Variants in PPP3CC observed in about 807,000 individuals in gnomAD.
PPP3CC encodes protein phosphatase 3 catalytic subunit gamma.
In PPP3CC, 35 loss-of-function variants were observed where a neutral mutation model predicts 60.3. The observed-to-expected ratio is 0.58, with a 90% CI of 0.44 to 0.77. The LOEUF (loss-of-function observed/expected upper bound fraction) is 0.77, where lower values mean the gene tolerates loss of function less well. Among genes scored for constraint, PPP3CC ranks in the 30% least tolerant of loss-of-function variants. The probability of loss-of-function intolerance (pLI) is 0.00; values close to 1 mark genes in which losing one functional copy is unlikely to be tolerated. For missense variants in PPP3CC, 570 were observed against 628.9 expected, an observed-to-expected ratio of 0.91 and a Z score of 1.00; for synonymous variants, 206 against 224.3, an observed-to-expected ratio of 0.92 and a Z score of 0.73.
chr8:22,463,102 T>A (rs560365307), intron 1 of PPP3CC, among the ~76,000 whole-genome samples: 1 of 152,198 alleles, frequency 6.6e-6, no homozygotes, highest in Non-Finnish European at 1.5e-5. Context: ...AAAAGTTATC[T>A]GTTAGCAGCC....
Position 22,497,942 on chromosome 8 carries a change from T to C in PPP3CC, c.373-59T>C, listed in dbSNP as rs75557963. ...CAGCAAGTCATTTGAATTATATAAA[T>C]TGTGTTTATGCATTATAATGGTCAC... On this transcript the variant is annotated intron_variant, in intron 3 of 13. Coordinates refer to ENST00000240139, the MANE Select transcript of PPP3CC (RefSeq NM_005605.5). The C allele has an allele frequency of 4.5e-3, 4,860 of 1,074,548 alleles. 185 individuals are homozygous for C. The African/African-American group carries it at 0.068, about 15-fold the overall frequency. 66.6% of individuals were successfully genotyped at this position (1,074,548 alleles called of 1,614,324 possible). A position where few individuals can be genotyped will look rare whatever the true frequency, so the allele number is the denominator to read the frequency against.
chr8:22,527,698 C>T (rs1378770929), intron 9 of PPP3CC, among the ~76,000 whole-genome samples, 181 bp downstream of exon 9: 4 of 151,234 alleles, frequency 2.6e-5, no homozygotes, highest in Non-Finnish European at 5.9e-5. Flanking sequence ...TGCAGTGGCA[C>T]GATCTCAGCT....
chr8:22,489,229 A>G (rs1326168294), intron 3 of PPP3CC, among the ~76,000 whole-genome samples: 1 of 152,106 alleles, frequency 6.6e-6, no homozygotes, highest in Non-Finnish European at 1.5e-5. Context: ...ATTTGGATTC[A>G]GGATTTCAAA....
At chr8:22,469,879 A>C (rs543921123) in intron 1 of PPP3CC, among the ~76,000 whole-genome samples, 1 of 152,056 alleles carries the variant, frequency 6.6e-6, no homozygotes, top group South Asian at 2.1e-4. Flanking sequence ...TAAGCCACTA[A>C]GTTTTGGGGT....
chr8:22,485,493 C>T (rs1290850286), intron 3 of PPP3CC, among the ~76,000 whole-genome samples: 1 of 152,118 alleles, frequency 6.6e-6, no homozygotes, highest in Non-Finnish European at 1.5e-5. Flanking sequence ...CAGAACTCAA[C>T]CAAAATCGGG....
chr8:22,442,469 T>C (rs961308241), intron 1 of PPP3CC, among the ~76,000 whole-genome samples: 1 of 152,216 alleles, frequency 6.6e-6, no homozygotes, highest in Non-Finnish European at 1.5e-5. Flanking sequence ...AAACGCCTTA[T>C]TGCATGTTCA....
chr8:22,532,234 C>T lies in PPP3CC; in HGVS notation c.1151C>T (p.Thr384Ile). The T allele has an allele frequency of 6.2e-7, 1 of 1,610,748 alleles. No individual in the cohort carries two copies. Among genetic ancestry groups the T allele is most frequent in the Non-Finnish European group, 8.5e-7 (1 of 1,177,194 alleles). Residue 384 changes from threonine (T) to isoleucine (I), a missense_variant, in exon 11 of 14, where the codon ACA (threonine) becomes ATA (isoleucine). By Grantham distance (89) the Thr-to-Ile change is moderately conservative (BLOSUM62 -1). Transcript: ENST00000240139. Reference protein sequence around the residue: ...ISDDEAEGSTTVRKEIIRNKI... With the variant: ...ISDDEAEGSTIVRKEIIRNKI... ...CTTTGTATTCTCTAAGGAAGCACTA[C>T]AGTTCGTAAGGAGATCATCAGGAAT...
intron 3 of PPP3CC, among the ~76,000 whole-genome samples, chr8:22,477,607 A>C (rs935976968): frequency 2.6e-5 from 4 of 152,168 alleles, no homozygotes; most frequent in African/African-American, 9.7e-5. Flanking sequence ...AAAATTACTG[A>C]ATTTCTAATT....
At chr8:22,503,331 C>T (rs1163921012) in intron 4 of PPP3CC, among the ~76,000 whole-genome samples, 2 of 152,130 alleles carry the variant, frequency 1.3e-5, no homozygotes, top group African/African-American at 4.8e-5. Flanking sequence ...ACCTTCATTT[C>T]TTACCTGGGA....
At chr8:22,460,297 A>G (rs1837328614) in intron 1 of PPP3CC, among the ~76,000 whole-genome samples, 1 of 152,168 alleles carries the variant, frequency 6.6e-6, no homozygotes, top group African/African-American at 2.4e-5. Context: ...TACTACATGG[A>G]TAATACTTTC....
intron 3 of PPP3CC, among the ~76,000 whole-genome samples, chr8:22,491,267 G>C (rs937725810): frequency 6.6e-6 from 1 of 152,302 alleles, no homozygotes; most frequent in South Asian, 2.1e-4. Flanking sequence ...TGGCTCTTCA[G>C]AATGGCTGTG....
At position 22,474,995 on chromosome 8, in the gene PPP3CC, G is replaced by A; in HGVS notation, c.91G>A (p.Val31Ile). ...PPTQRLTFKE[V>I]FENGKPKVDV... is the part of the protein sequence containing the mutation. ...AACCCAACGGCTTACTTTCAAGGAA[G>A]TATTTGAGAATGGGAAACCTAAAGT... is the stretch of plus-strand genomic sequence containing the variant. Residue 31 changes from valine to isoleucine, a missense_variant, in exon 2 of 14, where the codon GTA becomes ATA. By Grantham distance (29) the Val-to-Ile change is conservative (BLOSUM62 3). Transcript: ENST00000240139. 6.2e-7 allele frequency: 1 copy of A among 1,610,504 alleles called. No homozygotes were observed. Among genetic ancestry groups the A allele is most frequent in the Non-Finnish European group, 8.5e-7 (1 of 1,177,830 alleles).
chr8:22,493,699 T>C (rs1259654637), intron 3 of PPP3CC, among the ~76,000 whole-genome samples: 3 of 152,184 alleles, frequency 2.0e-5, no homozygotes, highest in Non-Finnish European at 2.9e-5. Flanking sequence ...GTAACAGTCA[T>C]GGAGCTGTCA....
At chr8:22,480,219 G>A (rs185165096) in intron 3 of PPP3CC, among the ~76,000 whole-genome samples, 32 of 152,204 alleles carry the variant, frequency 2.1e-4, no homozygotes, top group South Asian at 2.1e-4. Flanking sequence ...ATTATAGATA[G>A]CATTTTAGGA....
At chr8:22,533,125 G>T (rs1031166393) in intron 12 of PPP3CC, 107 bp downstream of exon 12, 37 of 761,318 alleles carry the variant, frequency 4.9e-5, no homozygotes, top group Non-Finnish European at 5.9e-5. Flanking sequence ...AGAGCAGTTG[G>T]TTATACCATA....
chr8:22,449,466 A>T (rs1052727711), intron 1 of PPP3CC, among the ~76,000 whole-genome samples: 14 of 151,494 alleles, frequency 9.2e-5, no homozygotes, highest in African/African-American at 3.4e-4. Context: ...AAAAAAAAAA[A>T]AAAAAAGGAA....
In PPP3CC at chr8:22,532,218, C is replaced by T. The variant is rs199759197; in HGVS notation, c.1142-7C>T. ...CTTTAACTTACTTATTCTTTGTATTCTCTAAGGAAGCACTACAGTTCGTAA... is the reference window on the plus strand; with the variant it reads ...CTTTAACTTACTTATTCTTTGTATTTTCTAAGGAAGCACTACAGTTCGTAA... On this transcript the variant is annotated splice_polypyrimidine_tract_variant and splice_region_variant and intron_variant, in intron 10 of 13. Coordinates refer to ENST00000240139, the MANE Select transcript of PPP3CC (RefSeq NM_005605.5). 1.5e-4 allele frequency: 247 copies of T among 1,602,088 alleles called. No individual in the cohort carries two copies. The highest frequency in any genetic ancestry group is 1.5e-4 in the Non-Finnish European group (176 of 1,170,018).
At chr8:22,525,525 TCTTTCTTTCTTTCTCTCC>T (rs1249385885) in intron 8 of PPP3CC, among the ~76,000 whole-genome samples, 9 of 104,658 alleles carry the variant, frequency 8.6e-5, no homozygotes, top group African/African-American at 3.5e-4. Flanking sequence ...TTTCTTTCTT[TCTTTCTTTCTTTCTCTCC>T]CTCTCTCTCT....
chr8:22,499,457 G>GA (rs36071830), intron 4 of PPP3CC, among the ~76,000 whole-genome samples: 21 of 147,562 alleles, frequency 1.4e-4, no homozygotes, highest in African/African-American at 3.3e-4. Flanking sequence ...AAAAAAAAAA[G>GA]AAAAAAAAAA....
Sources: allele counts gnomAD v4.1 joint callset (sites outside exome capture counted in the v4.1 genomes callset), GRCh38; gene constraint gnomAD v4.1.1; transcripts MANE v1.5; gene names NCBI Gene and HGNC (gene_info 2026-07-23, HGNC 2026-07-21).